Variants in CAMKK2 observed in about 807,000 individuals in gnomAD.
The protein encoded by CAMKK2 is calcium/calmodulin dependent protein kinase kinase 2, also known as calcium/calmodulin-dependent protein kinase kinase 2.
CAMKK2 carries 30 observed loss-of-function variants against 67.2 expected under a neutral mutation model. The observed-to-expected ratio is 0.45, with a 90% CI of 0.33 to 0.61. CAMKK2 has a LOEUF of 0.61. Among genes scored for constraint, CAMKK2 ranks in the 20% least tolerant of loss-of-function variants. The probability of loss-of-function intolerance (pLI) is 0.02; values close to 1 mark genes in which losing one functional copy is unlikely to be tolerated. For synonymous variants in CAMKK2, 322 were observed against 326.2 expected, an observed-to-expected ratio of 0.99 and a Z score of 0.14; for missense variants, 643 against 802.0, an observed-to-expected ratio of 0.80 and a Z score of 2.39.
chr12:121,295,894 G>T (rs1901057706), intron 1 of CAMKK2, among the ~76,000 whole-genome samples: 1 of 152,210 alleles, frequency 6.6e-6, no homozygotes, highest in Admixed American at 6.5e-5. Context: ...GCCAGGAAAA[G>T]CTCAAGGCTG....
chr12:121,274,805 C>CTTTTTTTTTTTTTTTTTTTTTTTTT (rs140150523), intron 1 of CAMKK2, among the ~76,000 whole-genome samples: 1 of 132,920 alleles, frequency 7.5e-6, no homozygotes, highest in Non-Finnish European at 1.6e-5. Context: ...CTTTTTTTTT[C>CTTTTTTTTTTTTTTTTTTTTTTTTT]TTTTTTTTTT....
In CAMKK2 at chr12:121,252,643, GAC is replaced by G; in HGVS notation, c.1161+16_1161+17del. 6.2e-7 allele frequency: 1 copy of G among 1,613,424 alleles called. No individual in the cohort carries two copies. The highest frequency in any genetic ancestry group is 8.5e-7 in the Non-Finnish European group (1 of 1,179,356). On this transcript the variant is annotated intron_variant, in intron 11 of 16. Coordinates refer to ENST00000404169, the MANE Select transcript of CAMKK2 (RefSeq NM_001270485.2). Reference sequence around the variant, plus strand: ...GCCACCCAGCAGTACTGAGGGGACAGACACCCCGCCCTCTTACCTGGCCAAAG... The same window carrying G: ...GCCACCCAGCAGTACTGAGGGGACAGACCCCGCCCTCTTACCTGGCCAAAG...
At position 121,292,215 on chromosome 12, in the gene CAMKK2, T is replaced by C. The variant is rs865988999; in HGVS notation, c.-60+4423A>G. 3.3e-5 allele frequency among the ~76,000 whole-genome samples: 5 copies of C among 150,126 alleles called. No individual in the cohort carries two copies. In the South Asian group the frequency reaches 1.1e-3, roughly 33 times the overall value. On this transcript the variant is annotated intron_variant, in intron 1 of 16. Coordinates refer to ENST00000404169, the MANE Select transcript of CAMKK2 (RefSeq NM_001270485.2). ...ATCTTGGCTCAATGCAACATCCACC[T>C]CCCGGGTTCAAGCGATTCTCCTGTC... is the stretch of plus-strand genomic sequence containing the variant.
intron 1 of CAMKK2, among the ~76,000 whole-genome samples, chr12:121,279,361 G>A (rs1897329157): frequency 6.6e-6 from 1 of 152,208 alleles, no homozygotes; most frequent in Admixed American, 6.5e-5. Flanking sequence ...AGGGGCTTCT[G>A]GCCTCACAGA....
intron 1 of CAMKK2, among the ~76,000 whole-genome samples, chr12:121,287,447 C>G (rs982237693): frequency 2.6e-5 from 4 of 151,986 alleles, no homozygotes; most frequent in African/African-American, 9.7e-5. Context: ...TTGAGATGAC[C>G]TCATCCAGGC....
chr12:121,294,504 G>A (rs902669016), intron 1 of CAMKK2, among the ~76,000 whole-genome samples: 5 of 152,188 alleles, frequency 3.3e-5, no homozygotes, highest in Admixed American at 1.3e-4. Flanking sequence ...GAGCTGCATC[G>A]GCAAACACTG....
At chr12:121,293,416 G>A (rs112347386) in intron 1 of CAMKK2, among the ~76,000 whole-genome samples, 1,622 of 152,252 alleles carry the variant, frequency 0.011, 31 homozygotes, top group African/African-American at 0.035. Context: ...AAGAAAGTAT[G>A]CTGGGGCGGG....
chr12:121,272,490 T>A (rs1895969841), intron 2 of CAMKK2, among the ~76,000 whole-genome samples: 1 of 151,948 alleles, frequency 6.6e-6, no homozygotes, highest in African/African-American at 2.4e-5. Flanking sequence ...TCCTCTCAAC[T>A]CTCCAGGGCC....
At chr12:121,282,055 G>T (rs1026738666) in intron 1 of CAMKK2, among the ~76,000 whole-genome samples, 1 of 152,208 alleles carries the variant, frequency 6.6e-6, no homozygotes, top group African/African-American at 2.4e-5. Flanking sequence ...TTGAAGGGAG[G>T]CGGTGGGTGA....
chr12:121,258,833 T>C (rs1892871358), intron 7 of CAMKK2, among the ~76,000 whole-genome samples: 1 of 147,308 alleles, frequency 6.8e-6, no homozygotes, highest in Non-Finnish European at 1.5e-5. Flanking sequence ...ACTCTCAGAG[T>C]CAAAGCCAAT....
intron 1 of CAMKK2, among the ~76,000 whole-genome samples, chr12:121,275,059 C>T (rs1896552651): frequency 6.6e-6 from 1 of 152,170 alleles, no homozygotes; most frequent in African/African-American, 2.4e-5. Context: ...CTGCTTCCAG[C>T]TCAAGCCAAT....
At chr12:121,252,094 C>G (rs1890855541) in intron 11 of CAMKK2, among the ~76,000 whole-genome samples, 1 of 147,196 alleles carries the variant, frequency 6.8e-6, no homozygotes, top group Non-Finnish European at 1.5e-5. Context: ...GGTGGCAGAA[C>G]TGCTGTCCTT....
At chr12:121,275,573 A>G (rs540008841) in intron 1 of CAMKK2, among the ~76,000 whole-genome samples, 1 of 152,160 alleles carries the variant, frequency 6.6e-6, no homozygotes, top group Non-Finnish European at 1.5e-5. Context: ...TGCTAACTGA[A>G]GGAAGCCAGT....
intron 1 of CAMKK2, among the ~76,000 whole-genome samples, chr12:121,275,922 G>A (rs1249841045): frequency 6.6e-6 from 1 of 152,190 alleles, no homozygotes; most frequent in Non-Finnish European, 1.5e-5. Context: ...AGCACTTTGG[G>A]AGGACAGGGC....
intron 1 of CAMKK2, among the ~76,000 whole-genome samples, chr12:121,280,994 A>G (rs187887913): frequency 0.017 from 2,540 of 151,052 alleles, 32 homozygotes; most frequent in Middle Eastern, 0.051. Flanking sequence ...CTATTCGCAC[A>G]CTCCCTCCCC....
chr12:121,244,668 CA>C, intron 15 of CAMKK2, 53 bp from the exon 16 acceptor site: 3 of 1,422,816 alleles, frequency 2.1e-6, no homozygotes, highest in Non-Finnish European at 2.9e-6. Context: ...CCTTGGGATC[CA>C]CGGGATGCCC....
intron 10 of CAMKK2, 100 bp from the exon 11 acceptor site, chr12:121,252,814 G>T: frequency 8.3e-7 from 1 of 1,203,046 alleles, no homozygotes; most frequent in Non-Finnish European, 1.2e-6. Flanking sequence ...TCAGCCCTTG[G>T]AGTTGGGGCG....
At chr12:121,272,050 A>C (rs572211449) in intron 2 of CAMKK2, among the ~76,000 whole-genome samples, 1 of 152,214 alleles carries the variant, frequency 6.6e-6, no homozygotes, top group East Asian at 1.9e-4. Context: ...TATGTTGCCC[A>C]GGCTGGTCTC....
chr12:121,291,564 A>C (rs528640993), intron 1 of CAMKK2, among the ~76,000 whole-genome samples: 27 of 152,328 alleles, frequency 1.8e-4, no homozygotes, highest in African/African-American at 6.5e-4. Context: ...GAAATGTCCA[A>C]AACAAGCAAA....
Sources: gnomAD v4.1 joint callset for allele counts (sites outside exome capture counted in the v4.1 genomes callset) on GRCh38, gnomAD v4.1.1 for gene constraint, MANE v1.5 for transcripts, NCBI Gene and HGNC (gene_info 2026-07-23, HGNC 2026-07-21) for gene names.